GRIN2B: variants seen among roughly 807,000 people sequenced by gnomAD.
GRIN2B encodes glutamate ionotropic receptor NMDA type subunit 2B, also known as glutamate receptor ionotropic, NMDA 2B.
Under a neutral mutation model 114.5 loss-of-function variants are expected in GRIN2B, and 5 were observed. The observed-to-expected ratio is 0.04, with a 90% CI of 0.02 to 0.09. The LOEUF is 0.09. Ranked by LOEUF, GRIN2B falls within the 10% of genes least tolerant of loss-of-function variation. The pLI is 1.00. For missense variants in GRIN2B, 1,108 were observed against 1,943.5 expected (o/e 0.57, Z 8.08); for synonymous variants, 787 against 745.1 (o/e 1.06, Z -0.92).
chr12:13,571,741 A>T, intron 11 of GRIN2B, 63 bp downstream of exon 11: 2 of 1,541,486 alleles, frequency 1.3e-6, no homozygotes, highest in Non-Finnish European at 1.8e-6. Flanking sequence ...CATGTGATTC[A>T]ATAGTATGCT....
intron 12 of GRIN2B, 142 bp from the exon 13 acceptor site, chr12:13,567,405 G>T: frequency 3.0e-6 from 2 of 661,712 alleles, no homozygotes; most frequent in South Asian, 3.5e-5. Context: ...GAAAGGAAAT[G>T]AATAAAGTTA....
At chr12:13,757,179 G>A (rs1306111493) in intron 3 of GRIN2B, among the ~76,000 whole-genome samples, 1 of 152,148 alleles carries the variant, frequency 6.6e-6, no homozygotes, top group Non-Finnish European at 1.5e-5. Context: ...ACCCAAAGGA[G>A]GCTAATGAAG....
chr12:13,830,203 C>T (rs1226369805), intron 3 of GRIN2B, among the ~76,000 whole-genome samples: 1 of 152,176 alleles, frequency 6.6e-6, no homozygotes, highest in Non-Finnish European at 1.5e-5. Flanking sequence ...AAGCAGGGCA[C>T]AGTTAGTAAA....
chr12:13,685,236 G>A (rs528116256), intron 4 of GRIN2B, among the ~76,000 whole-genome samples: 4 of 152,208 alleles, frequency 2.6e-5, no homozygotes, highest in African/African-American at 9.6e-5. Flanking sequence ...CAACACACAG[G>A]AAATATCTCC....
At chr12:13,585,985 G>C (rs1948917694) in intron 10 of GRIN2B, among the ~76,000 whole-genome samples, 1 of 152,144 alleles carries the variant, frequency 6.6e-6, no homozygotes, top group African/African-American at 2.4e-5. Context: ...GTCCTTAATG[G>C]ACCTCCAATT....
chr12:13,669,918 C>G (rs1314897270), intron 5 of GRIN2B, among the ~76,000 whole-genome samples: 4 of 152,158 alleles, frequency 2.6e-5, no homozygotes, highest in African/African-American at 9.6e-5. Context: ...GGAGTTGGTG[C>G]TACCTCCTGG....
Position 13,925,869 on chromosome 12 carries a change from G to A in GRIN2B, c.-19+54059C>T, listed in dbSNP as rs185795182. The stretch of plus-strand genomic sequence containing the variant: ...ACCTATTGTTAAAATACAGAGTGAC[G>A]GGCTTTTACATTAATCCATTAACTC... On this transcript the variant is annotated intron_variant, in intron 2 of 13. Coordinates refer to ENST00000609686, the MANE Select transcript of GRIN2B (RefSeq NM_000834.5). Among the ~76,000 whole-genome samples the A allele has an allele frequency of 7.6e-4, 115 of 152,142 alleles. 2 individuals carry two copies. Among genetic ancestry groups the A allele is most frequent in the Middle Eastern group, 6.8e-3 (2 of 294 alleles).
At position 13,537,380 on chromosome 12, in the gene GRIN2B, A is replaced by G. The variant is rs906200792; in HGVS notation, c.*25403T>C. The G allele has an allele frequency of 6.6e-6, 1 of 152,196 alleles. No individual in the cohort carries two copies. The highest frequency in any genetic ancestry group is 2.4e-5 in the African/African-American group (1 of 41,454). The allele number at this position is 152,196 out of a possible 1,614,324, so 9.4% of individuals were successfully genotyped here. On this transcript the variant is annotated 3_prime_UTR_variant, in exon 14 of 14. Coordinates refer to ENST00000609686, the MANE Select transcript of GRIN2B (RefSeq NM_000834.5). ...TTTATGTGTAGAATTTCCTTTACATAGAGGAGCTTTGCAGTATGTCTATAT... is the reference window on the plus strand; with the variant it reads ...TTTATGTGTAGAATTTCCTTTACATGGAGGAGCTTTGCAGTATGTCTATAT...
chr12:13,642,641 G>T (rs1057308043), intron 5 of GRIN2B, among the ~76,000 whole-genome samples: 1 of 152,158 alleles, frequency 6.6e-6, no homozygotes, highest in African/African-American at 2.4e-5. Context: ...ATATTGCCTA[G>T]AATTCATTTG....
intron 10 of GRIN2B, among the ~76,000 whole-genome samples, chr12:13,602,251 G>A (rs529274577): frequency 6.6e-6 from 1 of 152,258 alleles, no homozygotes; most frequent in Non-Finnish European, 1.5e-5. Flanking sequence ...TGCCTGACAG[G>A]CCAAGAGGAC....
At chr12:13,901,062 C>A (rs1382891855) in intron 2 of GRIN2B, among the ~76,000 whole-genome samples, 1 of 152,106 alleles carries the variant, frequency 6.6e-6, no homozygotes, top group Non-Finnish European at 1.5e-5. Flanking sequence ...TAACGCCAAA[C>A]AATTTTTTCA....
At chr12:13,756,608 A>C (rs1283511887) in intron 3 of GRIN2B, among the ~76,000 whole-genome samples, 1 of 152,210 alleles carries the variant, frequency 6.6e-6, no homozygotes, top group Non-Finnish European at 1.5e-5. Context: ...AAAGTGAAGA[A>C]ACTTTCCAAT....
At chr12:13,659,466 A>C (rs1258367491) in intron 5 of GRIN2B, among the ~76,000 whole-genome samples, 1 of 152,152 alleles carries the variant, frequency 6.6e-6, no homozygotes, top group Non-Finnish European at 1.5e-5. Flanking sequence ...TTTTTTGAAG[A>C]GAAGTCATAA....
At chr12:13,932,702 T>C (rs1038450744) in intron 2 of GRIN2B, among the ~76,000 whole-genome samples, 6 of 152,156 alleles carry the variant, frequency 3.9e-5, no homozygotes, top group African/African-American at 1.4e-4. Context: ...GAGAGAGATT[T>C]CCAGAAATGG....
intron 2 of GRIN2B, among the ~76,000 whole-genome samples, chr12:13,877,534 CT>C (rs1393671178): frequency 6.6e-6 from 1 of 152,192 alleles, no homozygotes; most frequent in Non-Finnish European, 1.5e-5. Flanking sequence ...AAGCTTTACT[CT>C]TTAGTTGTTC....
chr12:13,686,983 A>G (rs1591676237), intron 4 of GRIN2B, among the ~76,000 whole-genome samples: 1 of 151,266 alleles, frequency 6.6e-6, no homozygotes, highest in Non-Finnish European at 1.5e-5. Context: ...GTCTGGGTGC[A>G]CCCCCCTCCC....
At chr12:13,935,137 G>T (rs913030537) in intron 2 of GRIN2B, among the ~76,000 whole-genome samples, 26 of 152,200 alleles carry the variant, frequency 1.7e-4, no homozygotes, top group Non-Finnish European at 3.7e-4. Flanking sequence ...GGAAACGTAA[G>T]ATTAACTTAG....
intron 3 of GRIN2B, among the ~76,000 whole-genome samples, chr12:13,824,017 A>G (rs531928458): frequency 2.0e-5 from 3 of 152,262 alleles, no homozygotes; most frequent in African/African-American, 7.2e-5. Context: ...TCCTTTTTAT[A>G]TCTTGCTGGA....
At chr12:13,913,430 G>T (rs1310452923) in intron 2 of GRIN2B, among the ~76,000 whole-genome samples, 1 of 152,116 alleles carries the variant, frequency 6.6e-6, no homozygotes, top group African/African-American at 2.4e-5. Flanking sequence ...ATGCCAAGAG[G>T]GGTTAAAACT....
Sources: allele counts gnomAD v4.1 joint callset (sites outside exome capture counted in the v4.1 genomes callset), GRCh38; gene constraint gnomAD v4.1.1; transcripts MANE v1.5; gene names NCBI Gene and HGNC (gene_info 2026-07-23, HGNC 2026-07-21).